The following MYH10 variants were observed in gnomAD, a reference collection of about 807,000 sequenced individuals.
MYH10 encodes myosin-10.
A neutral mutation model predicts 257.8 loss-of-function variants in MYH10; 55 were observed. That is an observed-to-expected ratio of 0.21 (90% confidence interval 0.17 to 0.27). MYH10 has a LOEUF of 0.27. Ranked by LOEUF, MYH10 falls within the 10% of genes least tolerant of loss-of-function variation. MYH10 has a pLI of 1.00. For missense variants in MYH10, 1,631 were observed against 2,500.6 expected, an observed-to-expected ratio of 0.65 and a Z score of 7.42; for synonymous variants, 854 against 921.7, an observed-to-expected ratio of 0.93 and a Z score of 1.33.
rs1214872700 is a variant in MYH10, at chr17:8,490,364, C to T, written c.4860G>A (p.Glu1620=). 8.7e-6 allele frequency: 14 copies of T among 1,614,072 alleles called. No homozygotes were observed. The South Asian group carries it at 1.4e-4, about 16-fold the overall frequency. ...CCTGTTTGATCAGCAGCCGCTTCTT[C>T]TCTTCATTCTGCTCATCCCTGGTTT... ...DLQTRDEQNE[E]KKRLLIKQVR... The change falls in exon 35 of 43, where the codon GAG becomes GAA. Residue 1620 remains glutamate, a synonymous_variant. Transcript: ENST00000360416. This position sits in a 1 kb window ranked among gnomAD's most constrained non-coding sequence, Gnocchi z 4.1.
intron 17 of MYH10, among the ~76,000 whole-genome samples, chr17:8,526,488 G>C (rs2081850553): frequency 6.6e-6 from 1 of 152,154 alleles, no homozygotes; most frequent in Non-Finnish European, 1.5e-5. Flanking sequence ...TTGCTGGGGG[G>C]CATTTAAATT....
intron 6 of MYH10, among the ~76,000 whole-genome samples, chr17:8,574,804 C>T (rs2083451884): frequency 6.6e-6 from 1 of 152,166 alleles, no homozygotes; most frequent in Non-Finnish European, 1.5e-5. Context: ...GTAACTATAA[C>T]TTTAAGGCAA....
At chr17:8,518,104 C>T (rs1353751726) in intron 21 of MYH10, among the ~76,000 whole-genome samples, 1 of 116,576 alleles carries the variant, frequency 8.6e-6, no homozygotes, top group Non-Finnish European at 1.7e-5. Context: ...CCCTTGGCCC[C>T]GTGTGTGTGT....
intron 30 of MYH10, 21 bp downstream of exon 30, chr17:8,499,249 G>T: frequency 6.2e-7 from 1 of 1,609,940 alleles, no homozygotes; most frequent in South Asian, 1.1e-5. Flanking sequence ...GACGTGTGTA[G>T]AGCGGAGGTT....
Position 8,548,405 on chromosome 17 carries a change from A to G in MYH10, c.1067T>C (p.Met356Thr), listed in dbSNP as rs777800734. The G allele has an allele frequency of 4.5e-6, 7 of 1,556,940 alleles. No homozygotes were observed. The highest frequency in any genetic ancestry group is 5.2e-6 in the Non-Finnish European group (6 of 1,155,946). ...MGFSHEEILS[M>T]LKVVSSVLQF... ...TAGCACTGAAGATACTACTTTAAGC[A>G]TTGCTTCATATTGATAAAAAGAAAA... Residue 356 changes from methionine to threonine, a missense_variant, in exon 11 of 43, where the codon ATG becomes ACG. Coordinates refer to ENST00000360416, the MANE Select transcript of MYH10 (RefSeq NM_001256012.3).
At chr17:8,541,328 G>C (rs905649953) in intron 14 of MYH10, among the ~76,000 whole-genome samples, 2 of 152,226 alleles carry the variant, frequency 1.3e-5, no homozygotes, top group African/African-American at 4.8e-5. Context: ...ACTAGTGTTA[G>C]AGCTTCCTCT....
In MYH10 at chr17:8,487,642, C is replaced by T. The variant is rs377277046; in HGVS notation, c.4885-48G>A. 47 of 1,609,128 alleles carry T rather than the reference C, an allele frequency of 2.9e-5. No individual in the cohort carries two copies. In the Middle Eastern group the frequency reaches 1.2e-3, roughly 40 times the overall value. On this transcript the variant is annotated intron_variant, in intron 35 of 42. Transcript: ENST00000360416. ...GCTGGGTTACATCCAAGTATCTGCT[C>T]GCAGAACAGGCAGACTGTTCTCAAG... is the stretch of plus-strand genomic sequence containing the variant.
intron 2 of MYH10, among the ~76,000 whole-genome samples, chr17:8,616,526 A>C (rs1284301322): frequency 6.6e-6 from 1 of 152,114 alleles, no homozygotes; most frequent in Non-Finnish European, 1.5e-5. Flanking sequence ...AAAAATTTAA[A>C]CACCATTTAA....
At chr17:8,520,015 A>C (rs79048472) in intron 19 of MYH10, among the ~76,000 whole-genome samples, 1,882 of 152,256 alleles carry the variant, frequency 0.012, 34 homozygotes, top group African/African-American at 0.043. Flanking sequence ...ATGTGTGTGC[A>C]CATGTATACA....
intron 13 of MYH10, among the ~76,000 whole-genome samples, chr17:8,542,778 A>C (rs1191896811): frequency 6.6e-6 from 1 of 152,178 alleles, no homozygotes; most frequent in East Asian, 1.9e-4. Flanking sequence ...GTGGGCTCTA[A>C]GGTGAGGTAG....
chr17:8,524,767 C>T (rs1332289071), intron 17 of MYH10, among the ~76,000 whole-genome samples: 1 of 152,188 alleles, frequency 6.6e-6, no homozygotes, highest in Non-Finnish European at 1.5e-5. Context: ...AATGTAGCAG[C>T]CACTTCTAAA....
intron 19 of MYH10, among the ~76,000 whole-genome samples, chr17:8,519,402 CAT>C (rs943452711): frequency 2.6e-5 from 4 of 152,116 alleles, no homozygotes; most frequent in South Asian, 2.1e-4. Flanking sequence ...ATCAGGGTGA[CAT>C]GTGACATGAC....
chr17:8,511,564 C>A (rs2081298257), intron 24 of MYH10, among the ~76,000 whole-genome samples: 1 of 152,130 alleles, frequency 6.6e-6, no homozygotes, highest in Non-Finnish European at 1.5e-5. Context: ...CCCCAAAAAA[C>A]CAAAACTAGG....
At chr17:8,551,748 T>C (rs1238767692) in intron 9 of MYH10, among the ~76,000 whole-genome samples, 2 of 152,202 alleles carry the variant, frequency 1.3e-5, no homozygotes, top group African/African-American at 4.8e-5. Context: ...CTTACTTTCA[T>C]ATTTTAAAAC....
rs1273855001 is a variant in MYH10 at position 8,513,900 on chromosome 17, G to A, written c.2505-6C>T. 2.5e-6 allele frequency: 4 copies of A among 1,610,596 alleles called. No individual in the cohort carries two copies. The East Asian group carries it at 6.7e-5, about 27-fold the overall frequency. On this transcript the variant is annotated splice_polypyrimidine_tract_variant and splice_region_variant and intron_variant, in intron 21 of 42. Transcript: ENST00000360416. Reference sequence around the variant, plus strand: ...GCTGCTTCTTGGCAAAGGCCCTGAAGAACAATAAGAAAAACTTATGATGTA... The same window carrying A: ...GCTGCTTCTTGGCAAAGGCCCTGAAAAACAATAAGAAAAACTTATGATGTA...
rs776035070 is a variant in MYH10, at chr17:8,535,460, G to A, written c.1821C>T (p.Asp607=). 4 of 1,613,906 alleles carry A rather than the reference G, an allele frequency of 2.5e-6. No homozygotes were observed. The highest frequency in any genetic ancestry group is 2.2e-5 in the South Asian group (2 of 91,040). Residue 607 remains aspartate, a synonymous_variant, in exon 16 of 43, where the codon GAC becomes GAT. Transcript: ENST00000360416. This position sits in a 1 kb window ranked among gnomAD's most constrained non-coding sequence, Gnocchi z 4.3. ...KADEWLMKNM[D]PLNDNVATLL... is the part of the protein sequence containing the mutation. ...GGGTGGCCACGTTGTCATTCAGGGG[G>A]TCCATATTCTTCATCAGCCACTCAT...
At chr17:8,563,765 T>TA (rs2083070978) in intron 7 of MYH10, among the ~76,000 whole-genome samples, 1 of 152,134 alleles carries the variant, frequency 6.6e-6, no homozygotes, top group African/African-American at 2.4e-5. Flanking sequence ...GCTTTCATTA[T>TA]AACCTGGTCG....
Position 8,569,903 on chromosome 17 carries a change from G to GA in MYH10, c.664-92dup. The GA allele has an allele frequency of 3.3e-6, 3 of 909,886 alleles. No individual in the cohort carries two copies. The highest frequency in any genetic ancestry group is 4.9e-6 in the Non-Finnish European group (3 of 614,132). 56.4% of individuals were successfully genotyped at this position (909,886 alleles called of 1,614,324 possible). On this transcript the variant is annotated intron_variant, in intron 6 of 42. Transcript: ENST00000360416. This position sits in a 1 kb window ranked among gnomAD's most constrained non-coding sequence, Gnocchi z 4.1. ...CATCAGGGGAAAAATTTCTAAAAAA[G>GA]AAACTGCATCTTTTCCTCAGTTCTT...
intron 19 of MYH10, among the ~76,000 whole-genome samples, chr17:8,520,115 T>A (rs964615628): frequency 2.2e-4 from 34 of 152,366 alleles, no homozygotes; most frequent in Admixed American, 4.6e-4. Flanking sequence ...AACATGTTTT[T>A]AGGAATCACT....
Sources: allele counts gnomAD v4.1 joint callset (sites outside exome capture counted in the v4.1 genomes callset), GRCh38; gene constraint gnomAD v4.1.1; non-coding constraint Gnocchi (gnomAD v3.1); transcripts MANE v1.5; gene names NCBI Gene and HGNC (gene_info 2026-07-23, HGNC 2026-07-21).